Variants in GIN1 observed in about 807,000 individuals in gnomAD.
GIN1 encodes the protein gypsy retrotransposon integrase 1.
GIN1 carries 41 observed loss-of-function variants against 51.4 expected under a neutral mutation model. The ratio of observed to expected loss-of-function variants is 0.80; its 90% CI spans 0.62 to 1.04. GIN1 has a LOEUF of 1.04. Ranked by LOEUF, GIN1 falls within the 50% of genes least tolerant of loss-of-function variation. GIN1 has a pLI of 0.00. For synonymous variants in GIN1, 222 were observed against 206.5 expected, an observed-to-expected ratio of 1.07 and a Z score of -0.64; for missense variants, 610 against 612.4, an observed-to-expected ratio of 1.00 and a Z score of 0.04.
intron 1 of GIN1, among the ~76,000 whole-genome samples, chr5:103,115,324 T>C (rs572132456): frequency 1.3e-5 from 2 of 152,294 alleles, no homozygotes; most frequent in East Asian, 1.9e-4. Context: ...ATACGGTGTA[T>C]ATATTCACAC....
chr5:103,100,684 G>A (rs1414929813), intron 4 of GIN1, among the ~76,000 whole-genome samples: 2 of 151,766 alleles, frequency 1.3e-5, no homozygotes, highest in Non-Finnish European at 2.9e-5. Context: ...GAGCCACCAT[G>A]CTTGGCCCTA....
intron 7 of GIN1, among the ~76,000 whole-genome samples, chr5:103,093,379 T>C (rs1583111020): frequency 6.6e-6 from 1 of 152,024 alleles, no homozygotes; most frequent in Non-Finnish European, 1.5e-5. Flanking sequence ...GCTTTGAAGA[T>C]AGAGGGACCA....
intron 1 of GIN1, among the ~76,000 whole-genome samples, chr5:103,117,581 T>TATATACACACACACACAC (rs5870042): frequency 2.9e-4 from 44 of 149,486 alleles, no homozygotes; most frequent in African/African-American, 8.5e-4. Flanking sequence ...GAAAAAAATA[T>TATATACACACACACACAC]ACACACACAC....
At chr5:103,113,354 T>G (rs1242159549) in intron 1 of GIN1, among the ~76,000 whole-genome samples, 1 of 152,118 alleles carries the variant, frequency 6.6e-6, no homozygotes, top group African/African-American at 2.4e-5. Context: ...GCCAGCAAAT[T>G]TAGTGTCTAC....
chr5:103,091,063 T>C (rs1476245466), intron 7 of GIN1, among the ~76,000 whole-genome samples: 1 of 152,212 alleles, frequency 6.6e-6, no homozygotes, highest in Non-Finnish European at 1.5e-5. Context: ...GTCAAAGGCC[T>C]GTTTGTTTAC....
chr5:103,088,214 A>G, intron 7 of GIN1, 42 bp from the exon 8 acceptor site: 1 of 1,169,560 alleles, frequency 8.6e-7, no homozygotes, highest in South Asian at 1.9e-5. Context: ...TAGAATTATA[A>G]TTAAACATAT....
At chr5:103,106,620 G>A in intron 3 of GIN1, 96 bp downstream of exon 3, 2 of 694,978 alleles carry the variant, frequency 2.9e-6, no homozygotes, top group South Asian at 2.1e-5. Context: ...AATACTTAAT[G>A]AGAGGTGATA....
chr5:103,104,105 C>G (rs561515927), intron 4 of GIN1, among the ~76,000 whole-genome samples: 1 of 152,230 alleles, frequency 6.6e-6, no homozygotes, highest in Non-Finnish European at 1.5e-5. Flanking sequence ...AGGCGCCCAC[C>G]ACCATGCCCA....
At chr5:103,099,463 C>A (rs1787507197) in intron 4 of GIN1, among the ~76,000 whole-genome samples, 1 of 151,978 alleles carries the variant, frequency 6.6e-6, no homozygotes, top group African/African-American at 2.4e-5. Context: ...CATACTAATT[C>A]AGGGTGACTA....
rs182441459 is a variant in GIN1 at position 103,117,805 on chromosome 5, G to C, written c.-8+2259C>G. Among the ~76,000 whole-genome samples the C allele has an allele frequency of 3.3e-5, 5 of 152,158 alleles. No homozygotes were observed. The East Asian group carries it at 5.8e-4, about 18-fold the overall frequency. ...TCCATTTTACAGGTAGGAAAATGGA[G>C]GTTCAGAGATTGTCCAATTTACTCA... is the stretch of plus-strand genomic sequence containing the variant. On this transcript the variant is annotated intron_variant, in intron 1 of 7. Coordinates refer to ENST00000399004, the MANE Select transcript of GIN1 (RefSeq NM_017676.2).
chr5:103,088,033 TGTCA>T lies in GIN1; in HGVS notation c.1430_1433del (p.Leu477HisfsTer9). 6.2e-7 allele frequency: 1 copy of T among 1,610,394 alleles called. No individual in the cohort carries two copies. ...CTAATAGTTCACGATCCTTGCTTGATGTCAGTAATTCATTATCGACTATACCAAT... is the reference window on the plus strand; with the variant it reads ...CTAATAGTTCACGATCCTTGCTTGATGTAATTCATTATCGACTATACCAAT... On this transcript the variant is annotated frameshift_variant, in exon 8 of 8. Coordinates refer to ENST00000399004, the MANE Select transcript of GIN1 (RefSeq NM_017676.2). LOFTEE classifies it high-confidence loss of function.
chr5:103,099,807 G>A (rs1554195576), intron 4 of GIN1, among the ~76,000 whole-genome samples: 1 of 152,050 alleles, frequency 6.6e-6, no homozygotes, highest in Non-Finnish European at 1.5e-5. Context: ...GCATTTTATT[G>A]GAACAATTTA....
Position 103,096,625 on chromosome 5 carries a change from G to T in GIN1, c.1210C>A (p.Leu404Met). The T allele has an allele frequency of 6.2e-7, 1 of 1,611,950 alleles. No individual in the cohort carries two copies. The highest frequency in any genetic ancestry group is 8.5e-7 in the Non-Finnish European group (1 of 1,178,042). Residue 404 changes from leucine to methionine, a missense_variant, in exon 7 of 8, where the codon CTG (leucine) becomes ATG (methionine). Physicochemically the swap from Leu to Met is conservative, Grantham distance 15. Coordinates refer to ENST00000399004, the MANE Select transcript of GIN1 (RefSeq NM_017676.2). ...AGTCTAACCCCAGTGTTGTCTCTCA[G>T]GACAGCACATCCACTTTCTGTAATA... ...DYITESGCAV[L>M]RDNTGVRLKR...
At chr5:103,102,794 C>T (rs931045785) in intron 4 of GIN1, 1 of 151,914 alleles carries the variant, frequency 6.6e-6, no homozygotes, top group Non-Finnish European at 1.5e-5. Flanking sequence ...GTGGGGGTAT[C>T]ACTTGAGCCT....
At chr5:103,112,504 T>TG (rs1554197007) in intron 1 of GIN1, among the ~76,000 whole-genome samples, 1 of 152,194 alleles carries the variant, frequency 6.6e-6, no homozygotes, top group African/African-American at 2.4e-5. Flanking sequence ...CTCTACAACC[T>TG]GGCAGAACAT....
intron 1 of GIN1, among the ~76,000 whole-genome samples, chr5:103,112,622 C>T (rs1787918411): frequency 6.6e-6 from 1 of 152,118 alleles, no homozygotes; most frequent in Non-Finnish European, 1.5e-5. Flanking sequence ...TATATCCTTC[C>T]ACCTGATTAA....
intron 4 of GIN1, among the ~76,000 whole-genome samples, chr5:103,098,670 G>A (rs1333748717): frequency 1.3e-5 from 2 of 151,942 alleles, no homozygotes; most frequent in Non-Finnish European, 2.9e-5. Flanking sequence ...TGTTGCCCAG[G>A]CTGGTCTCAA....
intron 1 of GIN1, among the ~76,000 whole-genome samples, chr5:103,116,090 C>G (rs34776): frequency 0.26 from 38,804 of 152,008 alleles, 5,519 homozygotes; most frequent in East Asian, 0.45. Context: ...TCAATGCAGT[C>G]CCAATCAGGA....
Position 103,108,729 on chromosome 5 carries a change from T to A in GIN1, c.-7-15A>T. On this transcript the variant is annotated splice_polypyrimidine_tract_variant and intron_variant, in intron 1 of 7. Coordinates refer to ENST00000399004, the MANE Select transcript of GIN1 (RefSeq NM_017676.2). Reference sequence around the variant, plus strand: ...CCATTGTGAACCTAGGTAAAAGGTATTTAAAAAGATAACTTAAATTTTAAG... The same window carrying A: ...CCATTGTGAACCTAGGTAAAAGGTAATTAAAAAGATAACTTAAATTTTAAG... 1 of 1,545,208 alleles carries A rather than the reference T, an allele frequency of 6.5e-7. No individual in the cohort carries two copies.
Sources: gnomAD v4.1 joint callset for allele counts (sites outside exome capture counted in the v4.1 genomes callset) on GRCh38, gnomAD v4.1.1 for gene constraint, MANE v1.5 for transcripts, NCBI Gene and HGNC (gene_info 2026-07-23, HGNC 2026-07-21) for gene names.